The following EYS variants were observed in gnomAD, a reference collection of about 807,000 sequenced individuals.
The protein encoded by EYS is protein eyes shut homolog.
A neutral mutation model predicts 282.1 loss-of-function variants in EYS; 250 were observed. The observed-to-expected ratio is 0.89, with a 90% confidence interval of 0.80 to 0.98. EYS has a LOEUF of 0.98. Among genes scored for constraint, EYS ranks in the 50% least tolerant of loss-of-function variants. EYS has a pLI of 0.00. For missense variants in EYS, 4,016 were observed against 3,709.0 expected, an observed-to-expected ratio of 1.08 and a Z score of -2.15; for synonymous variants, 1,355 against 1,282.9, an observed-to-expected ratio of 1.06 and a Z score of -1.20.
At chr6:63,814,019 CTG>C (rs1205173504) in intron 36 of EYS, among the ~76,000 whole-genome samples, 2 of 152,200 alleles carry the variant, frequency 1.3e-5, no homozygotes, top group African/African-American at 4.8e-5. Flanking sequence ...CGTCTTTCCT[CTG>C]TCTTTGTTCT....
chr6:64,976,827 GA>G (rs890052255), intron 14 of EYS, among the ~76,000 whole-genome samples: 25 of 150,548 alleles, frequency 1.7e-4, no homozygotes, highest in Non-Finnish European at 2.7e-4. Context: ...CAAATATTGA[GA>G]TTTTTTTTTT....
intron 29 of EYS, among the ~76,000 whole-genome samples, chr6:64,376,795 T>C (rs959529391): frequency 6.6e-6 from 1 of 152,166 alleles, no homozygotes; most frequent in African/African-American, 2.4e-5. Context: ...AAAATTTATT[T>C]TTTTTAAAGT....
intron 16 of EYS, among the ~76,000 whole-genome samples, chr6:64,905,782 A>G (rs1767809732): frequency 6.6e-6 from 1 of 152,164 alleles, no homozygotes; most frequent in African/African-American, 2.4e-5. Context: ...ATCATTTTAC[A>G]TAGCATTTTA....
At chr6:65,402,947 C>A (rs912896368) in intron 6 of EYS, among the ~76,000 whole-genome samples, 4 of 152,060 alleles carry the variant, frequency 2.6e-5, no homozygotes, top group African/African-American at 7.2e-5. Context: ...TTGAACCCAG[C>A]CACCATGCTC....
chr6:65,162,043 G>A (rs1764862580), intron 12 of EYS, among the ~76,000 whole-genome samples: 1 of 151,202 alleles, frequency 6.6e-6, no homozygotes, highest in South Asian at 2.1e-4. Flanking sequence ...ATCTGAAACA[G>A]GCAAACCATT....
At chr6:64,722,122 T>C (rs891432275) in intron 22 of EYS, among the ~76,000 whole-genome samples, 3 of 152,096 alleles carry the variant, frequency 2.0e-5, no homozygotes, top group Admixed American at 1.3e-4. Context: ...CAGTTTGTGA[T>C]GCAGGGAAAA....
intron 29 of EYS, among the ~76,000 whole-genome samples, chr6:64,343,012 T>G (rs543617475): frequency 7.2e-5 from 11 of 152,214 alleles, no homozygotes; most frequent in African/African-American, 2.6e-4. Context: ...CTAACTATCC[T>G]AAATATATAT....
At chr6:63,832,580 T>C (rs1771674517) in intron 36 of EYS, among the ~76,000 whole-genome samples, 1 of 152,058 alleles carries the variant, frequency 6.6e-6, no homozygotes, top group African/African-American at 2.4e-5. Context: ...ATTAATAGCC[T>C]ACCAACCCAA....
chr6:64,347,169 T>C (rs1364403554), intron 29 of EYS, among the ~76,000 whole-genome samples: 1 of 151,436 alleles, frequency 6.6e-6, no homozygotes, highest in Non-Finnish European at 1.5e-5. Flanking sequence ...GAAGAACCTA[T>C]AGATCAAATG....
intron 2 of EYS, among the ~76,000 whole-genome samples, chr6:65,577,439 G>A: frequency 6.6e-6 from 1 of 151,728 alleles, no homozygotes. Context: ...ATAAATCAAA[G>A]CCTTTAACAT....
At chr6:65,415,469 G>A (rs1767195386) in intron 5 of EYS, among the ~76,000 whole-genome samples, 1 of 152,072 alleles carries the variant, frequency 6.6e-6, no homozygotes, top group Admixed American at 6.6e-5. Flanking sequence ...GGTCATATTT[G>A]TGAACAGATG....
chr6:64,204,575 T>G (rs1049111871), intron 31 of EYS, among the ~76,000 whole-genome samples: 1 of 152,132 alleles, frequency 6.6e-6, no homozygotes, highest in African/African-American at 2.4e-5. Context: ...AAAAACACGC[T>G]GCAAGACTTG....
intron 26 of EYS, among the ~76,000 whole-genome samples, chr6:64,521,692 T>A (rs1016579964): frequency 4.6e-5 from 7 of 151,808 alleles, no homozygotes; most frequent in Non-Finnish European, 1.0e-4. Context: ...CAACCAATAA[T>A]GCAGCACATC....
At chr6:64,887,158 T>A (rs1450919478) in intron 18 of EYS, among the ~76,000 whole-genome samples, 3 of 151,654 alleles carry the variant, frequency 2.0e-5, no homozygotes, top group African/African-American at 7.2e-5. Flanking sequence ...GAAACCATCA[T>A]TCTCAGCAAA....
chr6:64,117,305 AAGGAACTAGAAAGAG>A (rs2150270932), intron 31 of EYS, among the ~76,000 whole-genome samples: 1 of 145,656 alleles, frequency 6.9e-6, no homozygotes, highest in African/African-American at 2.7e-5. Context: ...TTTGTACCTC[AAGGAACTAGAAAGAG>A]AGGAACAACC....
At position 64,193,139 on chromosome 6, in the gene EYS, G is replaced by A. The variant is rs191743011; in HGVS notation, c.6424+37453C>T. ...TTCTTCCATATAAATTTTAGAATCA[G>A]CTTGTCACATTTTACAAAATAAAAT... On this transcript the variant is annotated intron_variant, in intron 31 of 42. Coordinates refer to ENST00000503581, the MANE Select transcript of EYS (RefSeq NM_001142800.2). Among the ~76,000 whole-genome samples the A allele has an allele frequency of 5.1e-4, 77 of 152,172 alleles. 1 individual carries two copies. The East Asian group carries it at 0.013, about 26-fold the overall frequency.
intron 2 of EYS, among the ~76,000 whole-genome samples, chr6:65,536,202 C>T (rs1054983678): frequency 1.3e-5 from 2 of 151,564 alleles, no homozygotes; most frequent in Non-Finnish European, 2.9e-5. Flanking sequence ...GGAGAGATAC[C>T]TTGTTAAAGA....
intron 22 of EYS, among the ~76,000 whole-genome samples, chr6:64,661,786 G>C (rs1013147795): frequency 7.3e-6 from 1 of 136,708 alleles, no homozygotes; most frequent in African/African-American, 2.8e-5. Flanking sequence ...CTGTTGGTGG[G>C]ACTGTAAACT....
chr6:64,843,136 A>T (rs1418394507), intron 19 of EYS, among the ~76,000 whole-genome samples: 1 of 152,060 alleles, frequency 6.6e-6, no homozygotes, highest in African/African-American at 2.4e-5. Context: ...CTGGTCCAGC[A>T]GATGTATGGA....
Sources: gnomAD v4.1 joint callset for allele counts (sites outside exome capture counted in the v4.1 genomes callset) on GRCh38, gnomAD v4.1.1 for gene constraint, MANE v1.5 for transcripts, NCBI Gene and HGNC (gene_info 2026-07-23, HGNC 2026-07-21) for gene names.